The following SLC5A4 variants were observed in gnomAD, a reference collection of about 807,000 sequenced individuals.
The protein encoded by SLC5A4 is solute carrier family 5 member 4.
In SLC5A4, 55 loss-of-function variants were observed where a neutral mutation model predicts 70.3. The ratio of observed to expected loss-of-function variants is 0.78; its 90% CI spans 0.63 to 0.98. The LOEUF (loss-of-function observed/expected upper bound fraction) is 0.98, where lower values mean the gene tolerates loss of function less well. Among genes scored for constraint, SLC5A4 ranks in the 50% least tolerant of loss-of-function variants. The probability of loss-of-function intolerance (pLI) is 0.00; values close to 1 mark genes in which losing one functional copy is unlikely to be tolerated. For synonymous variants in SLC5A4, 268 were observed against 305.7 expected (o/e 0.88, Z 1.29); for missense variants, 735 against 839.2 (o/e 0.88, Z 1.53).
At chr22:32,354,037 T>C in the SLC5A4 span, among the ~76,000 whole-genome samples, 1 of 146,896 alleles carries the variant, frequency 6.8e-6, no homozygotes, top group East Asian at 2.1e-4. Context: ...TAGCCCCCGA[T>C]AGCGCACCCA....
At chr22:32,339,908 G>T in the SLC5A4 span, among the ~76,000 whole-genome samples, 6 of 152,212 alleles carry the variant, frequency 3.9e-5, no homozygotes, top group Non-Finnish European at 8.8e-5. Context: ...GGGGACCCCC[G>T]AGGTTCTGCC....
At chr22:32,326,423 G>GT in the SLC5A4 span, among the ~76,000 whole-genome samples, 9 of 152,024 alleles carry the variant, frequency 5.9e-5, no homozygotes, top group East Asian at 7.7e-4. Flanking sequence ...TGCCCAGCTA[G>GT]TTTTTTTATT....
At chr22:32,248,517 A>G (rs191131633) in intron 4 of SLC5A4, among the ~76,000 whole-genome samples, 1 of 152,154 alleles carries the variant, frequency 6.6e-6, no homozygotes, top group East Asian at 1.9e-4. Context: ...CCCCACCCCT[A>G]ATTCCTGTTT....
At chr22:32,237,618 G>C (rs1277051554) in intron 6 of SLC5A4, among the ~76,000 whole-genome samples, 1 of 152,178 alleles carries the variant, frequency 6.6e-6, no homozygotes, top group Non-Finnish European at 1.5e-5. Context: ...TACCATGAAA[G>C]TTTCTCTTAA....
chr22:32,263,030 A>C, the SLC5A4 span, among the ~76,000 whole-genome samples: 1 of 151,700 alleles, frequency 6.6e-6, no homozygotes. Flanking sequence ...GACCTCCCAA[A>C]GTGCTGGGAT....
the SLC5A4 span, among the ~76,000 whole-genome samples, chr22:32,306,704 A>G: frequency 5.9e-5 from 9 of 152,254 alleles, no homozygotes; most frequent in South Asian, 1.9e-3. Flanking sequence ...GGGAGGACAC[A>G]TCACCCTTTT....
chr22:32,307,963 G>C, the SLC5A4 span, among the ~76,000 whole-genome samples: 2 of 151,292 alleles, frequency 1.3e-5, no homozygotes, highest in Non-Finnish European at 3.0e-5. Context: ...TTTCACGGCA[G>C]ACAAAATCAA....
the SLC5A4 span, among the ~76,000 whole-genome samples, chr22:32,304,510 CTGAAG>C: frequency 6.6e-6 from 1 of 151,994 alleles, no homozygotes; most frequent in African/African-American, 2.4e-5. Flanking sequence ...AACTTCTGGG[CTGAAG>C]TGACCTTCCC....
At chr22:32,251,358 C>A (rs1423831063) in intron 3 of SLC5A4, among the ~76,000 whole-genome samples, 2 of 151,916 alleles carry the variant, frequency 1.3e-5, no homozygotes, top group Non-Finnish European at 2.9e-5. Flanking sequence ...GAGGGCTCTT[C>A]CCTCATAAAC....
At chr22:32,237,183 G>C (rs114550222) in intron 7 of SLC5A4, 61 bp downstream of exon 7, 2 of 1,201,836 alleles carry the variant, frequency 1.7e-6, no homozygotes, top group African/African-American at 1.5e-5. Flanking sequence ...CAGACAGACC[G>C]AACAGAAACA....
chr22:32,243,419 G>A (rs1318367049), intron 5 of SLC5A4, among the ~76,000 whole-genome samples: 2 of 152,200 alleles, frequency 1.3e-5, no homozygotes, highest in African/African-American at 4.8e-5. Flanking sequence ...ATTAAAAAAG[G>A]TATTACTGGG....
chr22:32,255,358 C>G (rs186109616), upstream of SLC5A4: 20 of 1,606,466 alleles, frequency 1.2e-5, no homozygotes, highest in South Asian at 2.2e-4. Context: ...ACCCATTCCA[C>G]GCATGAGCCA....
the SLC5A4 span, among the ~76,000 whole-genome samples, chr22:32,319,574 C>T: frequency 7.2e-5 from 11 of 152,154 alleles, no homozygotes; most frequent in Non-Finnish European, 1.3e-4. Flanking sequence ...AGCCAATTAC[C>T]TACAGTGTGT....
rs370978314 is a variant in SLC5A4 at position 32,224,400 on chromosome 22, C to T, written c.1532G>A (p.Cys511Tyr). Reference sequence around the variant, plus strand: ...CTTGGGACAGTTACTGGGAGCCAAGCAACTCCCTGTTCCATAAGCAAACTC... The same window carrying T: ...CTTGGGACAGTTACTGGGAGCCAAGTAACTCCCTGTTCCATAAGCAAACTC... The part of the protein sequence containing the change: ...ITEFAYGTGS[C>Y]LAPSNCPKII... The change falls in exon 13 of 15, where the codon TGC (cysteine) becomes TAC (tyrosine). Residue 511 changes from cysteine to tyrosine, a missense_variant. Transcript: ENST00000266086. 1.3e-4 allele frequency: 203 copies of T among 1,613,650 alleles called. No individual in the cohort carries two copies. The South Asian group carries it at 1.8e-3, about 14-fold the overall frequency.
chr22:32,258,668 G>A (rs1486987208), upstream of SLC5A4, among the ~76,000 whole-genome samples: 4 of 152,090 alleles, frequency 2.6e-5, no homozygotes, highest in South Asian at 2.1e-4. Context: ...TATGGAAAAC[G>A]GTATGAAGCT....
the SLC5A4 span, among the ~76,000 whole-genome samples, chr22:32,350,031 C>G: frequency 6.6e-6 from 1 of 152,108 alleles, no homozygotes; most frequent in African/African-American, 2.4e-5. Flanking sequence ...AAAGCAGAGC[C>G]TTCCCCAGGT....
Position 32,232,877 on chromosome 22 carries a change from AACAT to A in SLC5A4, c.1021+18_1021+21del. ...AGAATACAAGCATAAAAAAAGAGAG[AACAT>A]ACGGATTCAGGGCTTACCTGTGTAC... On this transcript the variant is annotated intron_variant, in intron 9 of 14. Coordinates refer to ENST00000266086, the MANE Select transcript of SLC5A4 (RefSeq NM_014227.3). The A allele has an allele frequency of 1.9e-6, 3 of 1,597,516 alleles. No homozygotes were observed. Among genetic ancestry groups the A allele is most frequent in the Non-Finnish European group, 2.6e-6 (3 of 1,172,430 alleles).
At chr22:32,336,884 GGCATGGCCTACGGCCAGCC>G in the SLC5A4 span, among the ~76,000 whole-genome samples, 1 of 152,218 alleles carries the variant, frequency 6.6e-6, no homozygotes, top group Non-Finnish European at 1.5e-5. Context: ...CTTAACACGC[GGCATGGCCTACGGCCAGCC>G]TTCAATAAAT....
At chr22:32,330,799 CTCTGGTGTGTGT>C in the SLC5A4 span, among the ~76,000 whole-genome samples, 1 of 70,568 alleles carries the variant, frequency 1.4e-5, no homozygotes. Flanking sequence ...GTGTTGGGGG[CTCTGGTGTGTGT>C]TTTGGGAGGC....
Sources: allele counts gnomAD v4.1 joint callset (sites outside exome capture counted in the v4.1 genomes callset), GRCh38; gene constraint gnomAD v4.1.1; transcripts MANE v1.5; gene names NCBI Gene and HGNC (gene_info 2026-07-23, HGNC 2026-07-21).